The following ABCG2 variants were observed in gnomAD, a reference collection of about 807,000 sequenced individuals.
ABCG2 encodes the protein broad substrate specificity ATP-binding cassette transporter ABCG2.
Under a neutral mutation model 73.5 loss-of-function variants are expected in ABCG2, and 80 were observed. The ratio of observed to expected loss-of-function variants is 1.09; its 90% confidence interval spans 0.91 to 1.31. The LOEUF (loss-of-function observed/expected upper bound fraction) is 1.31, where lower values mean the gene tolerates loss of function less well. Among genes scored for constraint, ABCG2 ranks in the 50% most tolerant of loss-of-function variants. The pLI, the probability that ABCG2 is intolerant of heterozygous loss-of-function variation, is 0.00. For synonymous variants in ABCG2, 269 were observed against 282.4 expected, an observed-to-expected ratio of 0.95 and a Z score of 0.48; for missense variants, 796 against 786.2, an observed-to-expected ratio of 1.01 and a Z score of -0.15.
rs935057271 is a variant in ABCG2, at chr4:88,192,780, C to T, written c.-20+38214G>A. Among the ~76,000 whole-genome samples the T allele has an allele frequency of 3.3e-5, 5 of 150,798 alleles. No individual in the cohort carries two copies. In the South Asian group the frequency reaches 6.3e-4, roughly 19 times the overall value. ...AGGTTGGAGTGCAGTGGCGCAATCT[C>T]GGCTCACTGCAACCTCTGCCTCCTG... On this transcript the variant is annotated intron_variant, in intron 1 of 15. Coordinates refer to the ABCG2 transcript ENST00000515655.
chr4:88,100,944 G>C lies in ABCG2; in HGVS notation c.1367+286C>G, dbSNP rs369522026. On this transcript the variant is annotated intron_variant, in intron 11 of 15. Transcript: ENST00000237612. ...GATTTTCTGACTGTACTCAAATCTA[G>C]AAAAACTCTTTTCTCTGGATATCAG... Among the ~76,000 whole-genome samples the C allele has an allele frequency of 3.1e-4, 47 of 152,184 alleles. No individual in the cohort carries two copies. The South Asian group carries it at 9.8e-3, about 32-fold the overall frequency.
At chr4:88,188,740 G>A (rs372850613) in intron 1 of ABCG2, among the ~76,000 whole-genome samples, 7 of 152,292 alleles carry the variant, frequency 4.6e-5, no homozygotes, top group Admixed American at 6.5e-5. Flanking sequence ...TCCAGGCTGC[G>A]CAGTGGCTCA....
intron 1 of ABCG2, among the ~76,000 whole-genome samples, chr4:88,171,307 C>T (rs1057198032): frequency 2.7e-5 from 4 of 145,828 alleles, no homozygotes; most frequent in African/African-American, 1.0e-4. Flanking sequence ...TTATTCTGTT[C>T]ATGTATAGAA....
intron 1 of ABCG2, among the ~76,000 whole-genome samples, chr4:88,212,514 G>A (rs987472626): frequency 3.3e-5 from 5 of 152,176 alleles, no homozygotes; most frequent in South Asian, 4.1e-4. Context: ...TCCACCCTGC[G>A]TTACCTATGT....
At chr4:88,103,020 C>T (rs182929061) in intron 10 of ABCG2, among the ~76,000 whole-genome samples, 84 of 152,260 alleles carry the variant, frequency 5.5e-4, no homozygotes, top group Middle Eastern at 6.8e-3. Flanking sequence ...CTCAAGCAAT[C>T]CTCCCAGCTT....
At chr4:88,100,575 C>T (rs45606831) in intron 11 of ABCG2, among the ~76,000 whole-genome samples, 113 of 151,536 alleles carry the variant, frequency 7.5e-4, no homozygotes, top group Non-Finnish European at 1.1e-3. Context: ...GCGTAAGCCC[C>T]GCAGGTCAAG....
At chr4:88,228,614 C>T (rs1403113626) in intron 1 of ABCG2, among the ~76,000 whole-genome samples, 2 of 152,188 alleles carry the variant, frequency 1.3e-5, no homozygotes, top group Admixed American at 6.5e-5. Context: ...CAAACAGAAG[C>T]GATTCCTGTC....
chr4:88,216,166 C>T (rs6819328), intron 1 of ABCG2, among the ~76,000 whole-genome samples: 59,513 of 151,984 alleles, frequency 0.39, 12,527 homozygotes, highest in East Asian at 0.6. Flanking sequence ...GAACCTTGAG[C>T]GATATATCTG....
In ABCG2 at chr4:88,154,614, G is replaced by C. The variant is rs111662142; in HGVS notation, c.-20+3772C>G. On this transcript the variant is annotated intron_variant, in intron 1 of 15. Coordinates refer to ENST00000237612, the MANE Select transcript of ABCG2 (RefSeq NM_004827.3). ...AGTGTTCAGGGTGAGGAACAGGAAA[G>C]AAGGAAATATGCGGAAATGGGGTGA... 4.4e-3 allele frequency among the ~76,000 whole-genome samples: 677 copies of C among 152,274 alleles called. 3 individuals carry two copies. The highest frequency in any genetic ancestry group is 0.015 in the African/African-American group (613 of 41,548).
intron 1 of ABCG2, among the ~76,000 whole-genome samples, chr4:88,221,460 AG>A (rs1039548788): frequency 6.6e-6 from 1 of 152,220 alleles, no homozygotes; most frequent in African/African-American, 2.4e-5. Flanking sequence ...AGGGCTCAGA[AG>A]AAGACAGGAA....
At chr4:88,224,187 C>T (rs767654285) in intron 1 of ABCG2, among the ~76,000 whole-genome samples, 1 of 152,122 alleles carries the variant, frequency 6.6e-6, no homozygotes, top group African/African-American at 2.4e-5. Context: ...CAGTGGCTCA[C>T]GCCTGTAATC....
intron 10 of ABCG2, among the ~76,000 whole-genome samples, chr4:88,103,209 T>C (rs1722556514): frequency 6.6e-6 from 1 of 152,208 alleles, no homozygotes; most frequent in African/African-American, 2.4e-5. Context: ...TTTCAGAACA[T>C]GGAACATAGC....
chr4:88,216,173 T>C (rs147306905), intron 1 of ABCG2, among the ~76,000 whole-genome samples: 46 of 152,292 alleles, frequency 3.0e-4, no homozygotes, highest in African/African-American at 1.1e-3. Flanking sequence ...GAGCGATATA[T>C]CTGGCTGTTT....
Position 88,099,339 on chromosome 4 carries a change from C to A in ABCG2, c.1477G>T (p.Val493Leu). The A allele has an allele frequency of 6.2e-7, 1 of 1,606,578 alleles. No homozygotes were observed. Among genetic ancestry groups the A allele is most frequent in the Non-Finnish European group, 8.5e-7 (1 of 1,177,082 alleles). ...MLPSIIFTCI[V>L]YFMLGLKPKA... Reference sequence around the variant, plus strand: ...ACATACTTACCTAACATGAAGTACACTATACAGGTAAATATAATACTTGGT... The same window carrying A: ...ACATACTTACCTAACATGAAGTACAATATACAGGTAAATATAATACTTGGT... The change falls in exon 12 of 16, where the codon GTG becomes TTG. Residue 493 changes from valine to leucine, a missense_variant. By Grantham distance (32) the Val-to-Leu change is conservative. Coordinates refer to ENST00000237612, the MANE Select transcript of ABCG2 (RefSeq NM_004827.3).
intron 1 of ABCG2, among the ~76,000 whole-genome samples, chr4:88,205,325 T>C (rs376968870): frequency 6.6e-6 from 1 of 152,240 alleles, no homozygotes; most frequent in Non-Finnish European, 1.5e-5. Context: ...TTAAAATGCA[T>C]AGCATTAAAC....
At chr4:88,097,323 G>T in intron 13 of ABCG2, 130 bp downstream of exon 13, 2 of 998,828 alleles carry the variant, frequency 2.0e-6, no homozygotes, top group Non-Finnish European at 2.9e-6. Context: ...TATTCCAGTA[G>T]ATGGCCTTAA....
intron 1 of ABCG2, among the ~76,000 whole-genome samples, chr4:88,204,267 A>T (rs369128903): frequency 6.6e-6 from 1 of 151,890 alleles, no homozygotes; most frequent in African/African-American, 2.4e-5. Flanking sequence ...TAAAAATACA[A>T]AAAATTAGCC....
chr4:88,107,503 G>A (rs1268105932), intron 9 of ABCG2, among the ~76,000 whole-genome samples: 1 of 152,150 alleles, frequency 6.6e-6, no homozygotes, highest in Non-Finnish European at 1.5e-5. Flanking sequence ...AGGACACAAA[G>A]CACACTGCTG....
chr4:88,175,515 G>C (rs1208190519), intron 1 of ABCG2, among the ~76,000 whole-genome samples: 1 of 148,358 alleles, frequency 6.7e-6, no homozygotes, highest in East Asian at 1.9e-4. Context: ...AACAGGCAGA[G>C]TAACTGCTAG....
Sources: gnomAD v4.1 joint callset for allele counts (sites outside exome capture counted in the v4.1 genomes callset) on GRCh38, gnomAD v4.1.1 for gene constraint, MANE v1.5 for transcripts, NCBI Gene and HGNC (gene_info 2026-07-23, HGNC 2026-07-21) for gene names.